VWA8: variants seen among roughly 807,000 people sequenced by gnomAD.
VWA8 encodes the protein von Willebrand factor A domain-containing protein 8.
VWA8 carries 221 observed loss-of-function variants against 241.5 expected under a neutral mutation model. The observed-to-expected ratio is 0.91, with a 90% confidence interval of 0.82 to 1.02. VWA8 has a LOEUF of 1.02. VWA8 is among the 50% of genes least tolerant of loss of function. The pLI, the probability that VWA8 is intolerant of heterozygous loss-of-function variation, is 0.00. For synonymous variants in VWA8, 852 were observed against 827.1 expected, an observed-to-expected ratio of 1.03 and a Z score of -0.52; for missense variants, 2,322 against 2,328.7, an observed-to-expected ratio of 1.00 and a Z score of 0.06.
At chr13:41,852,447 T>C (rs1430632776) in intron 12 of VWA8, among the ~76,000 whole-genome samples, 2 of 152,136 alleles carry the variant, frequency 1.3e-5, no homozygotes, top group African/African-American at 2.4e-5. Flanking sequence ...TTGATGCATT[T>C]ATCTCATTTA....
chr13:41,807,606 T>C (rs1024412368), intron 17 of VWA8: 1 of 152,224 alleles, frequency 6.6e-6, no homozygotes, highest in African/African-American at 2.4e-5. Flanking sequence ...ATCACTTCAA[T>C]TGATGCTGAA....
At chr13:41,647,373 T>A (rs2044838608) in intron 37 of VWA8, among the ~76,000 whole-genome samples, 1 of 152,180 alleles carries the variant, frequency 6.6e-6, no homozygotes, top group Non-Finnish European at 1.5e-5. Flanking sequence ...AAATGAACAG[T>A]TACATTAACA....
chr13:41,793,649 C>T (rs1005208147), intron 17 of VWA8, among the ~76,000 whole-genome samples: 2 of 151,844 alleles, frequency 1.3e-5, no homozygotes, highest in Non-Finnish European at 2.9e-5. Context: ...CCATCTGTAC[C>T]GAAAATACAA....
intron 37 of VWA8, among the ~76,000 whole-genome samples, chr13:41,666,797 T>C (rs1242276047): frequency 6.6e-6 from 1 of 152,148 alleles, no homozygotes; most frequent in Non-Finnish European, 1.5e-5. Flanking sequence ...GCCCAAGTGT[T>C]ACCATATAGG....
intron 40 of VWA8, among the ~76,000 whole-genome samples, chr13:41,597,122 A>G (rs1341542598): frequency 6.6e-6 from 1 of 152,142 alleles, no homozygotes; most frequent in Non-Finnish European, 1.5e-5. Flanking sequence ...CAGGATCATC[A>G]AGAAATATTT....
At chr13:41,923,045 T>A (rs557354134) in intron 2 of VWA8, among the ~76,000 whole-genome samples, 215 of 152,314 alleles carry the variant, frequency 1.4e-3, no homozygotes, top group African/African-American at 4.9e-3. Flanking sequence ...CAAATGTCCA[T>A]CAATGATAGA....
chr13:41,791,647 T>A (rs1287495782), intron 17 of VWA8, among the ~76,000 whole-genome samples: 1 of 151,900 alleles, frequency 6.6e-6, no homozygotes, highest in Non-Finnish European at 1.5e-5. Flanking sequence ...AATCACATCA[T>A]ATACTGAATC....
intron 12 of VWA8, among the ~76,000 whole-genome samples, chr13:41,838,312 C>T (rs1871836720): frequency 6.6e-6 from 1 of 151,874 alleles, no homozygotes; most frequent in Non-Finnish European, 1.5e-5. Flanking sequence ...AATTATTTTT[C>T]CAAGGCATAA....
At chr13:41,869,259 A>T (rs1873468272) in intron 9 of VWA8, among the ~76,000 whole-genome samples, 1 of 152,150 alleles carries the variant, frequency 6.6e-6, no homozygotes, top group Admixed American at 6.5e-5. Flanking sequence ...CTTAACTAAA[A>T]TTATTATAAC....
At chr13:41,679,719 T>C (rs2045084458) in intron 35 of VWA8, among the ~76,000 whole-genome samples, 1 of 152,212 alleles carries the variant, frequency 6.6e-6, no homozygotes, top group Non-Finnish European at 1.5e-5. Context: ...AGTTCCAGAC[T>C]AATTAGATGG....
At chr13:41,667,032 T>C (rs890026288) in intron 37 of VWA8, among the ~76,000 whole-genome samples, 2 of 152,192 alleles carry the variant, frequency 1.3e-5, no homozygotes, top group African/African-American at 4.8e-5. Context: ...AAGTAAAGAA[T>C]GATGTATAAG....
chr13:41,677,074 A>G (rs1427113445), intron 35 of VWA8, among the ~76,000 whole-genome samples: 1 of 152,056 alleles, frequency 6.6e-6, no homozygotes, highest in Non-Finnish European at 1.5e-5. Flanking sequence ...AGAATTTTAG[A>G]CTTTAGGAAT....
intron 2 of VWA8, among the ~76,000 whole-genome samples, chr13:41,933,685 T>C (rs898506710): frequency 1.3e-5 from 2 of 151,980 alleles, no homozygotes; most frequent in Admixed American, 1.3e-4. Flanking sequence ...ACTTCTGACA[T>C]AACTACAAAG....
chr13:41,682,599 T>G (rs2045108517), intron 35 of VWA8, among the ~76,000 whole-genome samples: 1 of 152,080 alleles, frequency 6.6e-6, no homozygotes. Flanking sequence ...AATACAAAAA[T>G]TAGCCAGATG....
chr13:41,842,334 A>G (rs998793568), intron 12 of VWA8, among the ~76,000 whole-genome samples: 57 of 151,980 alleles, frequency 3.8e-4, no homozygotes, highest in Non-Finnish European at 7.4e-5. Flanking sequence ...TTATTTGTAA[A>G]CTCTTCCATC....
chr13:41,946,975 C>G (rs559732799), intron 2 of VWA8, among the ~76,000 whole-genome samples: 24 of 152,342 alleles, frequency 1.6e-4, no homozygotes, highest in African/African-American at 4.3e-4. Context: ...TACAATCCCC[C>G]AGGTGATGTC....
At chr13:41,727,091 G>T in intron 24 of VWA8, 103 bp downstream of exon 24, 2 of 867,138 alleles carry the variant, frequency 2.3e-6, no homozygotes, top group Non-Finnish European at 3.5e-6. Context: ...TGATTATGAT[G>T]GTGGCACAGC....
At chr13:41,707,015 A>G (rs1182113516) in intron 26 of VWA8, among the ~76,000 whole-genome samples, 3 of 152,200 alleles carry the variant, frequency 2.0e-5, no homozygotes, top group African/African-American at 7.2e-5. Context: ...TCATTTCTTA[A>G]TCCCTTGTGG....
At chr13:41,573,486 A>ATAAATAT (rs1555303592) in intron 43 of VWA8, among the ~76,000 whole-genome samples, 2 of 113,614 alleles carry the variant, frequency 1.8e-5, no homozygotes, top group African/African-American at 6.9e-5. Flanking sequence ...AAAAAAAAAA[A>ATAAATAT]ATATATATAT....
Sources: allele counts gnomAD v4.1 joint callset (sites outside exome capture counted in the v4.1 genomes callset), GRCh38; gene constraint gnomAD v4.1.1; transcripts MANE v1.5; gene names NCBI Gene and HGNC (gene_info 2026-07-23, HGNC 2026-07-21).